The following KIAA1549L variants were observed in gnomAD, a reference collection of about 807,000 sequenced individuals.
KIAA1549L encodes KIAA1549 like, also known as UPF0606 protein KIAA1549L.
KIAA1549L carries 88 observed loss-of-function variants against 160.7 expected under a neutral mutation model. The ratio of observed to expected loss-of-function variants is 0.55; its 90% confidence interval spans 0.46 to 0.65. KIAA1549L has a LOEUF of 0.65. Ranked by LOEUF, KIAA1549L falls within the 30% of genes least tolerant of loss-of-function variation. KIAA1549L has a pLI of 0.00. For synonymous variants in KIAA1549L, 950 were observed against 976.7 expected (o/e 0.97, Z 0.51); for missense variants, 2,258 against 2,437.5 (o/e 0.93, Z 1.55).
At chr11:33,610,058 A>C (rs1850610558) in intron 15 of KIAA1549L, 92 bp downstream of exon 15, 1 of 918,618 alleles carries the variant, frequency 1.1e-6, no homozygotes, top group Admixed American at 1.9e-5. Context: ...CTTATCTGGT[A>C]CTGTAGGATT....
intron 1 of KIAA1549L, among the ~76,000 whole-genome samples, chr11:33,506,056 A>G (rs185500314): frequency 1.3e-5 from 2 of 152,184 alleles, no homozygotes; most frequent in East Asian, 3.8e-4. Flanking sequence ...TAAGAAATTT[A>G]CCCATGGTTG....
At chr11:33,504,497 C>T (rs1447397064) in intron 1 of KIAA1549L, among the ~76,000 whole-genome samples, 1 of 151,764 alleles carries the variant, frequency 6.6e-6, no homozygotes, top group Non-Finnish European at 1.5e-5. Flanking sequence ...AGACAGAGTC[C>T]CTCTCTGTTG....
chr11:33,434,051 A>AT (rs954773115), intron 1 of KIAA1549L, among the ~76,000 whole-genome samples: 3 of 151,314 alleles, frequency 2.0e-5, no homozygotes, highest in Middle Eastern at 3.4e-3. Flanking sequence ...TATCCTGCTT[A>AT]TTTTTTTTAG....
At chr11:33,454,784 A>G (rs1851788098) in intron 1 of KIAA1549L, among the ~76,000 whole-genome samples, 1 of 152,232 alleles carries the variant, frequency 6.6e-6, no homozygotes. Flanking sequence ...CCGCTTCAAA[A>G]TAAGTTTTAA....
chr11:33,555,633 T>C (rs1854621551), intron 6 of KIAA1549L, among the ~76,000 whole-genome samples: 1 of 152,218 alleles, frequency 6.6e-6, no homozygotes, highest in African/African-American at 2.4e-5. Context: ...AGTTGGATCC[T>C]TACTTAACAC....
intron 1 of KIAA1549L, among the ~76,000 whole-genome samples, chr11:33,500,866 T>G (rs1455262508): frequency 6.6e-6 from 1 of 152,140 alleles, no homozygotes; most frequent in Non-Finnish European, 1.5e-5. Flanking sequence ...TATGAAATAC[T>G]TTTTACACAA....
intron 8 of KIAA1549L, among the ~76,000 whole-genome samples, chr11:33,564,241 G>T (rs777019314): frequency 3.9e-5 from 6 of 152,152 alleles, no homozygotes; most frequent in Non-Finnish European, 7.4e-5. Context: ...TTACCAAAAG[G>T]GTAGAGGATA....
chr11:33,576,626 A>G (rs1230089693), intron 10 of KIAA1549L, among the ~76,000 whole-genome samples: 2 of 152,224 alleles, frequency 1.3e-5, no homozygotes, highest in African/African-American at 2.4e-5. Context: ...CTAAAAGTGG[A>G]CATTCAGAGA....
intron 1 of KIAA1549L, among the ~76,000 whole-genome samples, chr11:33,435,818 G>GTGTGTGTGTGTGTA (rs1554976830): frequency 4.0e-4 from 18 of 45,316 alleles, no homozygotes; most frequent in African/African-American, 6.0e-4. Context: ...ATATGTGTGT[G>GTGTGTGTGTGTGTA]TATATATATA....
Position 33,543,723 on chromosome 11 carries a change from A to C in KIAA1549L, c.2160A>C (p.Thr720=), listed in dbSNP as rs747817116. 4.3e-6 allele frequency: 7 copies of C among 1,613,932 alleles called. No individual in the cohort carries two copies. The African/African-American group carries it at 9.3e-5, about 22-fold the overall frequency. The change falls in exon 2 of 21, where the codon ACA becomes ACC. Residue 720 remains threonine (T), a synonymous_variant. Coordinates refer to ENST00000658780, the MANE Select transcript of KIAA1549L (RefSeq NM_012194.3). The stretch of plus-strand genomic sequence containing the variant: ...TAATATCTGGCTTGCAGCAGCAAAC[A>C]AATTATGATTTAAATGGACACACAA... The part of the protein sequence containing the change: ...ESIISGLQQQ[T]NYDLNGHTIS...
intron 1 of KIAA1549L, among the ~76,000 whole-genome samples, chr11:33,443,729 GA>G (rs397794081): frequency 6.8e-5 from 10 of 147,628 alleles, no homozygotes; most frequent in East Asian, 5.9e-4. Flanking sequence ...TTATGGAATT[GA>G]AAAAAAAAAC....
intron 1 of KIAA1549L, among the ~76,000 whole-genome samples, chr11:33,431,887 C>T (rs1360313043): frequency 6.6e-6 from 1 of 152,212 alleles, no homozygotes; most frequent in Non-Finnish European, 1.5e-5. Flanking sequence ...AAGGACTGCC[C>T]CACGGGAAGG....
At chr11:33,567,555 C>G (rs1379721965) in intron 8 of KIAA1549L, among the ~76,000 whole-genome samples, 2 of 152,110 alleles carry the variant, frequency 1.3e-5, no homozygotes, top group African/African-American at 4.8e-5. Flanking sequence ...GTAGTCTGCC[C>G]AGATATAAGG....
chr11:33,598,229 T>TGTGTGTGTGTGTGTCTGA lies in KIAA1549L; in HGVS notation c.4752-591_4752-590insGTGTGTGTGTGTGTCTGA, dbSNP rs138775051. ...GTGTGTGTGTGTGTGTGTGTGTGTG[T>TGTGTGTGTGTGTGTCTGA]CAGAGTGAAGCCCCTAGTGATGGGG... On this transcript the variant is annotated intron_variant, in intron 12 of 20. Transcript: ENST00000658780. 5.9e-4 allele frequency among the ~76,000 whole-genome samples: 88 copies of TGTGTGTGTGTGTGTCTGA among 148,072 alleles called. 2 individuals are homozygous for TGTGTGTGTGTGTGTCTGA. Among genetic ancestry groups the TGTGTGTGTGTGTGTCTGA allele is most frequent in the African/African-American group, 1.8e-3 (70 of 39,784 alleles).
chr11:33,650,192 C>T (rs986474869), intron 17 of KIAA1549L, among the ~76,000 whole-genome samples: 3 of 152,158 alleles, frequency 2.0e-5, no homozygotes, highest in Non-Finnish European at 4.4e-5. Context: ...GGGAATGGGG[C>T]TCTCTGCCTT....
intron 1 of KIAA1549L, among the ~76,000 whole-genome samples, chr11:33,528,337 T>A (rs545208855): frequency 2.0e-5 from 3 of 152,286 alleles, no homozygotes; most frequent in African/African-American, 7.2e-5. Flanking sequence ...GAAATGTTGG[T>A]ATGGATGTGG....
In KIAA1549L at chr11:33,543,614, T is replaced by G. The variant is rs761682232; in HGVS notation, c.2051T>G (p.Ile684Arg). The stretch of plus-strand genomic sequence containing the variant: ...ATGGATGTATATGATTCCTTAACAA[T>G]AGGAGACATGAAAAAGCCAGCAACC... ...SSMDVYDSLT[I>R]GDMKKPATTD... Residue 684 changes from isoleucine to arginine, a missense_variant, in exon 2 of 21, where the codon ATA becomes AGA. Transcript: ENST00000658780. The G allele has an allele frequency of 6.2e-7, 1 of 1,613,712 alleles. No individual in the cohort carries two copies. The highest frequency in any genetic ancestry group is 8.5e-7 in the Non-Finnish European group (1 of 1,179,826).
chr11:33,571,916 C>A (rs1033484998), intron 9 of KIAA1549L, among the ~76,000 whole-genome samples: 17 of 152,172 alleles, frequency 1.1e-4, no homozygotes, highest in Non-Finnish European at 2.2e-4. Context: ...TACCAAAGCT[C>A]TGAAAAGACC....
chr11:33,618,507 CAT>C, intron 15 of KIAA1549L, 24 bp from the exon 16 acceptor site: 1 of 1,588,492 alleles, frequency 6.3e-7, no homozygotes, highest in Non-Finnish European at 8.6e-7. Flanking sequence ...TTTGCTGCAT[CAT>C]AACAGTTGTT....
Sources: allele counts gnomAD v4.1 joint callset (sites outside exome capture counted in the v4.1 genomes callset), GRCh38; gene constraint gnomAD v4.1.1; transcripts MANE v1.5; gene names NCBI Gene and HGNC (gene_info 2026-07-23, HGNC 2026-07-21).